The following SLC25A37 variants were observed in gnomAD, a reference collection of about 807,000 sequenced individuals.
The protein encoded by SLC25A37 is solute carrier family 25 member 37, also known as mitoferrin-1.
In SLC25A37, 17 loss-of-function variants were observed where a neutral mutation model predicts 31.0. That is an observed-to-expected ratio of 0.55 (90% CI 0.38 to 0.82). SLC25A37 has a LOEUF of 0.82. Ranked by LOEUF, SLC25A37 falls within the 40% of genes least tolerant of loss-of-function variation. SLC25A37 has a pLI of 0.00. For missense variants in SLC25A37, 404 were observed against 465.8 expected (o/e 0.87, Z 1.22); for synonymous variants, 222 against 193.0 (o/e 1.15, Z -1.24).
At chr8:23,540,589 T>C (rs1188718362) in intron 1 of SLC25A37, among the ~76,000 whole-genome samples, 1 of 152,224 alleles carries the variant, frequency 6.6e-6, no homozygotes, top group African/African-American at 2.4e-5. Context: ...CTGGCTTCTC[T>C]CTCTGAAACA....
Position 23,573,522 on chromosome 8 carries a change from T to A in SLC25A37, c.*1667T>A. The A allele has an allele frequency of 3.8e-6, 1 of 262,592 alleles. No homozygotes were observed. The highest frequency in any genetic ancestry group is 7.9e-6 in the Non-Finnish European group (1 of 126,242). 16.3% of individuals were successfully genotyped at this position (262,592 alleles called of 1,614,324 possible). On this transcript the variant is annotated 3_prime_UTR_variant, in exon 4 of 4. Coordinates refer to ENST00000519973, the MANE Select transcript of SLC25A37 (RefSeq NM_016612.4). Reference sequence around the variant, plus strand: ...CTGCCGCCACCCATCACGGTCAGCGTGGTGCATCTTACCGAGGAGGCGCAG... The same window carrying A: ...CTGCCGCCACCCATCACGGTCAGCGAGGTGCATCTTACCGAGGAGGCGCAG...
chr8:23,547,327 G>A (rs2280860), intron 1 of SLC25A37, among the ~76,000 whole-genome samples: 28,093 of 152,124 alleles, frequency 0.18, 2,907 homozygotes, highest in South Asian at 0.3. Context: ...TAGAAGCAAG[G>A]CGAAAGCAGA....
At chr8:23,532,495 G>C (rs1031425933) in intron 1 of SLC25A37, among the ~76,000 whole-genome samples, 2 of 152,220 alleles carry the variant, frequency 1.3e-5, no homozygotes, top group Non-Finnish European at 2.9e-5. Context: ...GAGCATGCCA[G>C]GTGGGTGGAG....
chr8:23,530,417 A>G (rs1323786664), intron 1 of SLC25A37, among the ~76,000 whole-genome samples: 6 of 152,176 alleles, frequency 3.9e-5, no homozygotes, highest in Non-Finnish European at 8.8e-5. Context: ...AGAAAGTATA[A>G]CTCAGAGGGT....
At chr8:23,536,394 A>G (rs1585442853) in intron 1 of SLC25A37, among the ~76,000 whole-genome samples, 2 of 152,096 alleles carry the variant, frequency 1.3e-5, no homozygotes, top group South Asian at 4.2e-4. Context: ...GCAGCCTCAC[A>G]GAGACTTCTG....
Position 23,574,023 on chromosome 8 carries a change from A to G in SLC25A37, c.*2168A>G, listed in dbSNP as rs967392086. The stretch of plus-strand genomic sequence containing the variant: ...AAAGTAGAATTTAAAGCAAATTTGT[A>G]AAAAAATTATCCTACCACCCCTTTT... On this transcript the variant is annotated 3_prime_UTR_variant, in exon 4 of 4. Coordinates refer to ENST00000519973, the MANE Select transcript of SLC25A37 (RefSeq NM_016612.4). 1 of 357,350 alleles carries G rather than the reference A, an allele frequency of 2.8e-6. No individual in the cohort carries two copies. Among genetic ancestry groups the G allele is most frequent in the Non-Finnish European group, 5.7e-6 (1 of 174,940 alleles). The allele number at this position is 357,350 out of a possible 1,614,324, so 22.1% of individuals were successfully genotyped here. A position where few individuals can be genotyped will look rare whatever the true frequency, so the allele number is the denominator to read the frequency against.
At chr8:23,538,807 G>T (rs1201201934) in intron 1 of SLC25A37, among the ~76,000 whole-genome samples, 1 of 152,212 alleles carries the variant, frequency 6.6e-6, no homozygotes, top group Non-Finnish European at 1.5e-5. Context: ...TTTCAGATGG[G>T]CTGGAAGAAC....
In SLC25A37 at chr8:23,571,854, A is replaced by T; in HGVS notation, c.1016A>T (p.Ter339LeuextTer5). Residue 339 changes from the stop codon to leucine (L), a stop_lost, in exon 4 of 4, where the codon TAA becomes TTA. Transcript: ENST00000519973. Reference sequence around the variant, plus strand: ...CAGCTGGAAAATCGAGCTCCATACTAAAGGAAGGGATCATAGAATCTTTTC... The same window carrying T: ...CAGCTGGAAAATCGAGCTCCATACTTAAGGAAGGGATCATAGAATCTTTTC... ...KRQLENRAPY[*>L] 1 of 1,608,426 alleles carries T rather than the reference A, an allele frequency of 6.2e-7. No homozygotes were observed. The highest frequency in any genetic ancestry group is 8.5e-7 in the Non-Finnish European group (1 of 1,175,476).
intron 1 of SLC25A37, among the ~76,000 whole-genome samples, chr8:23,549,105 C>T (rs188437637): frequency 6.6e-6 from 1 of 152,202 alleles, no homozygotes; most frequent in Non-Finnish European, 1.5e-5. Context: ...AGTACTCTCT[C>T]TCTCCTCTAC....
At chr8:23,546,041 G>A (rs1255170838) in intron 1 of SLC25A37, among the ~76,000 whole-genome samples, 1 of 152,072 alleles carries the variant, frequency 6.6e-6, no homozygotes. Flanking sequence ...AGGCTGAGGC[G>A]GGAGAATCAC....
chr8:23,540,281 A>G (rs1193364935), intron 1 of SLC25A37, among the ~76,000 whole-genome samples: 1 of 152,218 alleles, frequency 6.6e-6, no homozygotes, highest in Non-Finnish European at 1.5e-5. Context: ...ATTAGGCTGG[A>G]GCAAGCCAGT....
chr8:23,529,317 G>A lies in SLC25A37; in HGVS notation c.210+105G>A, dbSNP rs1801614015. 4 of 1,182,056 alleles carry A rather than the reference G, an allele frequency of 3.4e-6. No homozygotes were observed. Among genetic ancestry groups the A allele is most frequent in the South Asian group, 1.5e-5 (1 of 65,296 alleles). The allele number at this position is 1,182,056 out of a possible 1,614,324, so 73.2% of individuals were successfully genotyped here. ...CCTCGGGGCAGCGTCCCGAAACCGA[G>A]CTCTCCCCAGGACCGCGGCTGGCCG... On this transcript the variant is annotated intron_variant, in intron 1 of 3. Coordinates refer to ENST00000519973, the MANE Select transcript of SLC25A37 (RefSeq NM_016612.4). The surrounding 1 kb of genome is among the most constrained non-coding windows in gnomAD (Gnocchi z 4.1).
At chr8:23,533,690 C>T (rs1391681041) in intron 1 of SLC25A37, among the ~76,000 whole-genome samples, 1 of 152,196 alleles carries the variant, frequency 6.6e-6, no homozygotes, top group Admixed American at 6.5e-5. Context: ...CTTTTTGGCT[C>T]TTTTCCTGTC....
intron 2 of SLC25A37, chr8:23,567,228 A>G (rs927644001): frequency 2.0e-5 from 3 of 152,144 alleles, no homozygotes; most frequent in African/African-American, 7.2e-5. Flanking sequence ...TACTCTGCTC[A>G]AAAAGCATCT....
In SLC25A37 at chr8:23,557,319, G is replaced by A. The variant is rs569756856; in HGVS notation, c.211-8789G>A. ...GTGGTTTTGGACGGGTAGTGCCAAC[G>A]GTTTTTGTGTGCGTGGTGCTCCTTG... On this transcript the variant is annotated intron_variant, in intron 1 of 3. Coordinates refer to ENST00000519973, the MANE Select transcript of SLC25A37 (RefSeq NM_016612.4). Among the ~76,000 whole-genome samples the A allele has an allele frequency of 2.0e-5, 3 of 152,260 alleles. No homozygotes were observed. The South Asian group carries it at 6.2e-4, about 32-fold the overall frequency.
intron 1 of SLC25A37, among the ~76,000 whole-genome samples, chr8:23,556,230 A>ATTT (rs10687321): frequency 0.014 from 1,995 of 139,932 alleles, 36 homozygotes; most frequent in African/African-American, 0.035. Flanking sequence ...AAGAGCACCA[A>ATTT]TTTTTTTTTT....
At chr8:23,537,445 GC>G (rs1460716496) in intron 1 of SLC25A37, among the ~76,000 whole-genome samples, 4 of 152,154 alleles carry the variant, frequency 2.6e-5, no homozygotes, top group Admixed American at 6.5e-5. Flanking sequence ...TATTCCCATT[GC>G]CAGAAACACA....
chr8:23,542,622 G>A (rs536092111), intron 1 of SLC25A37, among the ~76,000 whole-genome samples: 87 of 150,160 alleles, frequency 5.8e-4, no homozygotes, highest in African/African-American at 2.0e-3. Context: ...CAGGTGACCC[G>A]CCCTCCTCAG....
intron 1 of SLC25A37, among the ~76,000 whole-genome samples, chr8:23,544,640 A>G (rs527941957): frequency 6.6e-6 from 1 of 152,306 alleles, no homozygotes; most frequent in Non-Finnish European, 1.5e-5. Flanking sequence ...ATATCTCAGT[A>G]TCTCTATCTA....
Sources: gnomAD v4.1 joint callset for allele counts (sites outside exome capture counted in the v4.1 genomes callset) on GRCh38, gnomAD v4.1.1 for gene constraint, Gnocchi (gnomAD v3.1) non-coding constraint, MANE v1.5 for transcripts, NCBI Gene and HGNC (gene_info 2026-07-23, HGNC 2026-07-21) for gene names.